NR3C2: variants seen among roughly 807,000 people sequenced by gnomAD.
NR3C2 encodes the protein nuclear receptor subfamily 3 group C member 2.
Under a neutral mutation model 86.4 loss-of-function variants are expected in NR3C2, and 15 were observed. The observed-to-expected ratio is 0.17, with a 90% CI of 0.12 to 0.27. The LOEUF is 0.27. Among genes scored for constraint, NR3C2 ranks in the 10% least tolerant of loss-of-function variants. The pLI, the probability that NR3C2 is intolerant of heterozygous loss-of-function variation, is 1.00. For missense variants in NR3C2, 960 were observed against 1,195.6 expected (o/e 0.80, Z 2.91); for synonymous variants, 458 against 450.5 (o/e 1.02, Z -0.21).
chr4:148,230,585 A>G (rs1738410402), intron 3 of NR3C2, among the ~76,000 whole-genome samples: 1 of 152,206 alleles, frequency 6.6e-6, no homozygotes, highest in Non-Finnish European at 1.5e-5. Flanking sequence ...GTGAGCCAGT[A>G]ATATTTTGTA....
At chr4:148,392,781 A>G (rs116401433) in intron 2 of NR3C2, among the ~76,000 whole-genome samples, 74 of 152,364 alleles carry the variant, frequency 4.9e-4, no homozygotes, top group African/African-American at 1.7e-3. Context: ...TTTCTGAGAC[A>G]TGTACATCTG....
At chr4:148,251,071 C>G (rs973332621) in intron 3 of NR3C2, among the ~76,000 whole-genome samples, 1 of 151,996 alleles carries the variant, frequency 6.6e-6, no homozygotes, top group Non-Finnish European at 1.5e-5. Context: ...TGCCTCAGCC[C>G]CCCAAGGAGC....
intron 8 of NR3C2, 64 bp from the exon 9 acceptor site, chr4:148,081,563 T>G: frequency 6.2e-7 from 1 of 1,609,300 alleles, no homozygotes; most frequent in Non-Finnish European, 8.5e-7. Flanking sequence ...TCCCTCTGCC[T>G]TCTGACTTTG....
chr4:148,414,592 A>G (rs1296396330), intron 2 of NR3C2, among the ~76,000 whole-genome samples: 1 of 152,206 alleles, frequency 6.6e-6, no homozygotes, highest in Non-Finnish European at 1.5e-5. Flanking sequence ...ACTGATCTCA[A>G]ATAAATTGCA....
At chr4:148,376,742 T>A (rs1294651400) in intron 2 of NR3C2, among the ~76,000 whole-genome samples, 3 of 152,224 alleles carry the variant, frequency 2.0e-5, no homozygotes, top group African/African-American at 7.2e-5. Flanking sequence ...TAAGATTTAA[T>A]ACATATCCTT....
rs941339029 is a variant in NR3C2, at chr4:148,085,576, A to G, written c.2800-4077T>C. Among the ~76,000 whole-genome samples the G allele has an allele frequency of 3.3e-5, 5 of 152,222 alleles. No individual in the cohort carries two copies. In the South Asian group the frequency reaches 1.0e-3, roughly 32 times the overall value. ...AAGTTGATACCCTAACATCACAATTAAAAGAACTAGAGAAGCAAGAGCAAA... is the reference window on the plus strand; with the variant it reads ...AAGTTGATACCCTAACATCACAATTGAAAGAACTAGAGAAGCAAGAGCAAA... On this transcript the variant is annotated intron_variant, in intron 8 of 8. Transcript: ENST00000358102.
rs1034686425 is a variant in NR3C2 at position 148,258,794 on chromosome 4, G to A, written c.1897+1184C>T. Among the ~76,000 whole-genome samples the A allele has an allele frequency of 5.3e-5, 8 of 152,280 alleles. No homozygotes were observed. The South Asian group carries it at 6.2e-4, about 12-fold the overall frequency. ...ATGGCTTGCCTGAAGCCAAGCCTAC[G>A]CTGGGACTTTCCAGTATGTGAGCCA... is the stretch of plus-strand genomic sequence containing the variant. On this transcript the variant is annotated intron_variant, in intron 3 of 8. Coordinates refer to ENST00000358102, the MANE Select transcript of NR3C2 (RefSeq NM_000901.5).
At chr4:148,252,275 C>A (rs1418942342) in intron 3 of NR3C2, among the ~76,000 whole-genome samples, 4 of 152,106 alleles carry the variant, frequency 2.6e-5, no homozygotes, top group African/African-American at 9.7e-5. Context: ...AAGAAATAGT[C>A]AATGTTTTCC....
At chr4:148,391,088 A>G (rs1747524305) in intron 2 of NR3C2, among the ~76,000 whole-genome samples, 1 of 152,232 alleles carries the variant, frequency 6.6e-6, no homozygotes, top group Non-Finnish European at 1.5e-5. Flanking sequence ...GCTTTCCCAT[A>G]GAGGAACTGA....
chr4:148,174,407 A>G (rs1311421996), intron 4 of NR3C2, among the ~76,000 whole-genome samples: 2 of 152,212 alleles, frequency 1.3e-5, no homozygotes, highest in East Asian at 3.9e-4. Flanking sequence ...AATCACCTCT[A>G]TGGAGTGACA....
At chr4:148,408,679 CTATT>C (rs982818513) in intron 2 of NR3C2, among the ~76,000 whole-genome samples, 5 of 152,080 alleles carry the variant, frequency 3.3e-5, no homozygotes, top group Non-Finnish European at 5.9e-5. Context: ...ATTTAATTAT[CTATT>C]TATGAAAACA....
intron 6 of NR3C2, among the ~76,000 whole-genome samples, chr4:148,133,723 G>A (rs756596347): frequency 2.0e-5 from 3 of 152,176 alleles, no homozygotes; most frequent in Non-Finnish European, 4.4e-5. Context: ...AGAGAAGGAC[G>A]TTTACTCTGA....
At chr4:148,315,288 T>G (rs1579143362) in intron 2 of NR3C2, among the ~76,000 whole-genome samples, 1 of 152,320 alleles carries the variant, frequency 6.6e-6, no homozygotes, top group East Asian at 1.9e-4. Flanking sequence ...GGTTGGAAGC[T>G]GTCACTGTGC....
chr4:148,307,904 G>T (rs1471412588), intron 2 of NR3C2, among the ~76,000 whole-genome samples: 1 of 151,536 alleles, frequency 6.6e-6, no homozygotes, highest in African/African-American at 2.4e-5. Context: ...AAGAAAAAAA[G>T]TTAATACTGA....
intron 2 of NR3C2, among the ~76,000 whole-genome samples, chr4:148,299,381 G>T (rs1473133924): frequency 6.6e-6 from 1 of 152,150 alleles, no homozygotes; most frequent in Non-Finnish European, 1.5e-5. Context: ...CGCTCTGGGG[G>T]GTTAGAAATG....
chr4:148,354,688 A>G (rs984142397), intron 2 of NR3C2, among the ~76,000 whole-genome samples: 1 of 152,222 alleles, frequency 6.6e-6, no homozygotes, highest in Admixed American at 6.5e-5. Flanking sequence ...ATGGAAGATT[A>G]ATATTTAAAA....
intron 6 of NR3C2, among the ~76,000 whole-genome samples, chr4:148,127,492 C>T (rs1236468604): frequency 2.0e-5 from 3 of 152,078 alleles, no homozygotes; most frequent in African/African-American, 4.8e-5. Context: ...AATCCATGAC[C>T]AAAAGTCACC....
intron 3 of NR3C2, among the ~76,000 whole-genome samples, chr4:148,249,384 T>C (rs1739468433): frequency 6.6e-6 from 1 of 152,208 alleles, no homozygotes; most frequent in African/African-American, 2.4e-5. Context: ...TCTAGAATAC[T>C]GTACATAAGT....
chr4:148,198,205 A>AT (rs1256196270), intron 3 of NR3C2, among the ~76,000 whole-genome samples: 3 of 152,144 alleles, frequency 2.0e-5, no homozygotes, highest in Non-Finnish European at 4.4e-5. Context: ...CAAAGGTATC[A>AT]TTTTTTTCTA....
Sources: gnomAD v4.1 joint callset for allele counts (sites outside exome capture counted in the v4.1 genomes callset) on GRCh38, gnomAD v4.1.1 for gene constraint, MANE v1.5 for transcripts, NCBI Gene and HGNC (gene_info 2026-07-23, HGNC 2026-07-21) for gene names.